Variants in CDC27 observed in about 807,000 individuals in gnomAD.
CDC27 encodes the protein cell division cycle 27.
Under a neutral mutation model 109.7 loss-of-function variants are expected in CDC27, and 27 were observed. That is an observed-to-expected ratio of 0.25 (90% confidence interval 0.18 to 0.34). CDC27 has a LOEUF of 0.34. Among genes scored for constraint, CDC27 ranks in the 10% least tolerant of loss-of-function variants. CDC27 has a pLI of 1.00. For synonymous variants in CDC27, 266 were observed against 333.9 expected (o/e 0.80, Z 2.22); for missense variants, 579 against 960.2 (o/e 0.60, Z 5.25).
intron 2 of CDC27, among the ~76,000 whole-genome samples, chr17:47,178,781 T>C (rs2064113326): frequency 6.6e-6 from 1 of 152,094 alleles, no homozygotes; most frequent in Non-Finnish European, 1.5e-5. Flanking sequence ...CAAATGAGTA[T>C]CTGAATTCAG....
At chr17:47,124,289 A>C (rs1385135646) in intron 16 of CDC27, among the ~76,000 whole-genome samples, 1 of 150,998 alleles carries the variant, frequency 6.6e-6, no homozygotes, top group Non-Finnish European at 1.5e-5. Flanking sequence ...CTATCTATTC[A>C]TTTTTATTTA....
chr17:47,130,177 CGGT>C (rs980357410), intron 15 of CDC27, among the ~76,000 whole-genome samples: 2 of 151,976 alleles, frequency 1.3e-5, no homozygotes, highest in Non-Finnish European at 2.9e-5. Context: ...CTGGCTAACA[CGGT>C]GAAACCCCAT....
At chr17:47,175,039 G>GAGAGGAAGGAAGGAAGGA (rs1226717528) in intron 2 of CDC27, among the ~76,000 whole-genome samples, 25 of 129,998 alleles carry the variant, frequency 1.9e-4, no homozygotes, top group Middle Eastern at 3.7e-3. Flanking sequence ...AAGAGAGAGA[G>GAGAGGAAGGAAGGAAGGA]AGGAAGGAAG....
At chr17:47,155,651 T>C (rs981811311) in intron 7 of CDC27, among the ~76,000 whole-genome samples, 1 of 152,148 alleles carries the variant, frequency 6.6e-6, no homozygotes, top group African/African-American at 2.4e-5. Context: ...TGATAAAATA[T>C]TTTATATTAA....
rs11570559 is a variant in CDC27 at position 47,128,324 on chromosome 17, C to A, written c.2160+1069G>T. Among the ~76,000 whole-genome samples, 641 of 152,286 alleles carry A rather than the reference C, an allele frequency of 4.2e-3. 3 individuals are homozygous for A. Among genetic ancestry groups the A allele is most frequent in the Middle Eastern group, 0.01 (3 of 294 alleles). On this transcript the variant is annotated intron_variant, in intron 16 of 18. Transcript: ENST00000066544. ...GGGATTACAGGTGTGAGCCACTGCG[C>A]CCAGCCCTGAATTTATTTTAAAAGA... is the stretch of plus-strand genomic sequence containing the variant.
intron 12 of CDC27, among the ~76,000 whole-genome samples, chr17:47,139,488 C>T (rs2062729323): frequency 1.3e-5 from 2 of 151,732 alleles, no homozygotes; most frequent in South Asian, 4.2e-4. Context: ...AGGATGGTCT[C>T]GATCTCCTGA....
intron 3 of CDC27, 33 bp from the exon 4 acceptor site, chr17:47,170,075 C>G (rs187418928): frequency 1.4e-6 from 2 of 1,432,700 alleles, no homozygotes; most frequent in Non-Finnish European, 1.8e-6. Context: ...TTTTTAAAAA[C>G]CAATATAAAA....
intron 2 of CDC27, among the ~76,000 whole-genome samples, chr17:47,175,687 A>T (rs2063979441): frequency 6.6e-6 from 1 of 152,162 alleles, no homozygotes; most frequent in Admixed American, 6.5e-5. Flanking sequence ...ATAGTGGTGC[A>T]TGTCTGTAAT....
At chr17:47,147,954 A>C (rs2063026072) in intron 9 of CDC27, among the ~76,000 whole-genome samples, 1 of 151,168 alleles carries the variant, frequency 6.6e-6, no homozygotes, top group Admixed American at 6.6e-5. Flanking sequence ...TAATCCCAGC[A>C]CTTTCGGAGG....
intron 11 of CDC27, 93 bp downstream of exon 11, chr17:47,142,136 A>G: frequency 8.9e-7 from 1 of 1,125,408 alleles, no homozygotes. Flanking sequence ...TCTATATAAA[A>G]AACAATGAAG....
Position 47,136,961 on chromosome 17 carries a change from G to C in CDC27, c.1913+191C>G, listed in dbSNP as rs929790467. ...AGGATCTGGTATTCTATTATCATTA[G>C]TTAATTTAAGAGTTTGTTAAAGACG... On this transcript the variant is annotated intron_variant, in intron 14 of 18. Transcript: ENST00000066544. Among the ~76,000 whole-genome samples the C allele has an allele frequency of 3.3e-5, 5 of 152,166 alleles. 1 individual carries two copies. Among genetic ancestry groups the C allele is most frequent in the Admixed American group, 2.0e-4 (3 of 15,268 alleles).
At chr17:47,178,320 G>A (rs2064093150) in intron 2 of CDC27, among the ~76,000 whole-genome samples, 1 of 151,996 alleles carries the variant, frequency 6.6e-6, no homozygotes, top group Non-Finnish European at 1.5e-5. Context: ...AGGACTGCTT[G>A]AGACCAGGAG....
At chr17:47,125,552 G>T (rs1032708769) in intron 16 of CDC27, among the ~76,000 whole-genome samples, 3 of 151,162 alleles carry the variant, frequency 2.0e-5, no homozygotes, top group Non-Finnish European at 2.9e-5. Context: ...AGCCTTTAAA[G>T]AAATCTTTTT....
intron 7 of CDC27, 59 bp downstream of exon 7, chr17:47,156,854 G>A (rs766545759): frequency 1.7e-6 from 1 of 579,328 alleles, no homozygotes; most frequent in Non-Finnish European, 3.1e-6. Flanking sequence ...CTAACAATAT[G>A]AGTTATCATA....
chr17:47,169,233 C>T (rs1416280778), intron 4 of CDC27, among the ~76,000 whole-genome samples: 2 of 151,970 alleles, frequency 1.3e-5, no homozygotes, highest in African/African-American at 4.8e-5. Context: ...TCAAGTGATC[C>T]TCCCACCTCC....
At chr17:47,168,235 G>C (rs202120807) in intron 4 of CDC27, among the ~76,000 whole-genome samples, 4 of 152,222 alleles carry the variant, frequency 2.6e-5, no homozygotes, top group Middle Eastern at 3.4e-3. Context: ...CTCCTGGGAG[G>C]TTGCGGGGTG....
chr17:47,159,799 C>T, intron 4 of CDC27: 1 of 452,224 alleles, frequency 2.2e-6, no homozygotes. Context: ...AGTCAATGAT[C>T]TCAGATTCCC....
chr17:47,148,760 A>G (rs2063056701), intron 9 of CDC27, among the ~76,000 whole-genome samples: 2 of 152,176 alleles, frequency 1.3e-5, no homozygotes, highest in Non-Finnish European at 2.9e-5. Flanking sequence ...AAACCAGTAA[A>G]GCAACATCCC....
At chr17:47,176,865 T>A (rs530289822) in intron 2 of CDC27, among the ~76,000 whole-genome samples, 1 of 152,362 alleles carries the variant, frequency 6.6e-6, no homozygotes, top group South Asian at 2.1e-4. Flanking sequence ...ACATCTTTAG[T>A]AGAATTCTGG....
Sources: allele counts gnomAD v4.1 joint callset (sites outside exome capture counted in the v4.1 genomes callset), GRCh38; gene constraint gnomAD v4.1.1; transcripts MANE v1.5; gene names NCBI Gene and HGNC (gene_info 2026-07-23, HGNC 2026-07-21).